The following BLNK variants were observed in gnomAD, a reference collection of about 807,000 sequenced individuals.
BLNK encodes B cell linker.
BLNK carries 29 observed loss-of-function variants against 73.5 expected under a neutral mutation model. That is an observed-to-expected ratio of 0.39 (90% CI 0.29 to 0.54). The LOEUF (loss-of-function observed/expected upper bound fraction) is 0.54. Among genes scored for constraint, BLNK ranks in the 20% least tolerant of loss-of-function variants. The pLI is 0.61. For missense variants in BLNK, 460 were observed against 562.8 expected (o/e 0.82, Z 1.85); for synonymous variants, 176 against 200.8 (o/e 0.88, Z 1.04).
intron 2 of BLNK, among the ~76,000 whole-genome samples, chr10:96,243,863 A>G (rs994196823): frequency 2.6e-5 from 4 of 152,158 alleles, no homozygotes; most frequent in African/African-American, 9.7e-5. Flanking sequence ...TTTAACTAAG[A>G]ATTATTTGCT....
At chr10:96,232,817 CT>C (rs67469119) in intron 3 of BLNK, among the ~76,000 whole-genome samples, 70,206 of 139,164 alleles carry the variant, frequency 0.5, 17,420 homozygotes, top group Admixed American at 0.57. Flanking sequence ...CTTTTCTAGT[CT>C]TTTTTTTTTT....
rs782481221 is a variant in BLNK at position 96,197,031 on chromosome 10, G to C, written c.1128C>G (p.Gly376=). 6.2e-7 allele frequency: 1 copy of C among 1,612,820 alleles called. No homozygotes were observed. The highest frequency in any genetic ancestry group is 8.5e-7 in the Non-Finnish European group (1 of 1,179,388). ...GTGTATATGGTTGTTTGGAATCATG[G>C]CCAGAGCTTTTCCGAATAAGAAATG... The part of the protein sequence containing the change: ...DGSFLIRKSS[G]HDSKQPYTLV... The change falls in exon 16 of 17, where the codon GGC becomes GGG. Residue 376 remains glycine, a synonymous_variant. Coordinates refer to ENST00000224337, the MANE Select transcript of BLNK (RefSeq NM_013314.4).
At chr10:96,194,767 A>AT (rs2083415785) in intron 16 of BLNK, among the ~76,000 whole-genome samples, 1 of 63,364 alleles carries the variant, frequency 1.6e-5, no homozygotes, top group African/African-American at 4.2e-5. Flanking sequence ...GAGAAATGCA[A>AT]ATTTTTTTTT....
intron 8 of BLNK, among the ~76,000 whole-genome samples, chr10:96,212,729 G>A (rs1160355030): frequency 1.3e-5 from 2 of 152,200 alleles, no homozygotes; most frequent in Non-Finnish European, 1.5e-5. Context: ...CACCAACTAG[G>A]CACCTGATGG....
intron 5 of BLNK, among the ~76,000 whole-genome samples, chr10:96,226,417 G>A (rs782747116): frequency 1.3e-5 from 2 of 152,238 alleles, no homozygotes; most frequent in Non-Finnish European, 2.9e-5. Flanking sequence ...GTTAATGGCA[G>A]TGAGATATTA....
chr10:96,189,391 G>T lies in BLNK; in HGVS notation c.*2582C>A. On this transcript the variant is annotated 3_prime_UTR_variant, in exon 17 of 17. Transcript: ENST00000224337. Reference sequence around the variant, plus strand: ...AGACTTCCTCCACTGCCAGGATCTTGAATAGTCTCCTGGTCAGTTGTCCGG... The same window carrying T: ...AGACTTCCTCCACTGCCAGGATCTTTAATAGTCTCCTGGTCAGTTGTCCGG... 2 of 584,186 alleles carry T rather than the reference G, an allele frequency of 3.4e-6. No individual in the cohort carries two copies. The highest frequency in any genetic ancestry group is 2.0e-5 in the Admixed American group (1 of 50,278). The allele number at this position is 584,186 out of a possible 1,614,324, so 36.2% of individuals were successfully genotyped here.
In BLNK at chr10:96,203,838, T is replaced by TA. The variant is rs1217189542; in HGVS notation, c.934+218dup. The TA allele has an allele frequency of 9.0e-5, 37 of 413,120 alleles. No individual in the cohort carries two copies. The Admixed American group carries it at 1.1e-3, about 12-fold the overall frequency. 25.6% of individuals were successfully genotyped at this position (413,120 alleles called of 1,614,324 possible). A position where few individuals can be genotyped will look rare whatever the true frequency, so the allele number is the denominator to read the frequency against. On this transcript the variant is annotated intron_variant, in intron 13 of 16. Coordinates refer to ENST00000224337, the MANE Select transcript of BLNK (RefSeq NM_013314.4). ...GATCAGTAAAATATTAAATCGCTAC[T>TA]AAAAAAAGTAAAAATTGCCTCAAAT...
At position 96,202,336 on chromosome 10, in the gene BLNK, C is replaced by T. The variant is rs115081596; in HGVS notation, c.935-1278G>A. Among the ~76,000 whole-genome samples, 788 of 152,138 alleles carry T rather than the reference C, an allele frequency of 5.2e-3. 4 individuals carry two copies. Among genetic ancestry groups the T allele is most frequent in the African/African-American group, 0.018 (751 of 41,490 alleles). On this transcript the variant is annotated intron_variant, in intron 13 of 16. Transcript: ENST00000224337. ...AACAGCAGAGTGGGGGAGGCCAGTT[C>T]GGTGTTCTTGCAGGAGATGACAGTG... is the stretch of plus-strand genomic sequence containing the variant.
Position 96,209,950 on chromosome 10 carries a change from G to A in BLNK, c.677-43C>T, listed in dbSNP as rs782536678. Reference sequence around the variant, plus strand: ...CTACTCAGTCCCCAAGTCCTGAGCCGGGGGCTGATGCTCACACTGAGGCTG... The same window carrying A: ...CTACTCAGTCCCCAAGTCCTGAGCCAGGGGCTGATGCTCACACTGAGGCTG... On this transcript the variant is annotated intron_variant, in intron 8 of 16. Coordinates refer to ENST00000224337, the MANE Select transcript of BLNK (RefSeq NM_013314.4). The A allele has an allele frequency of 2.1e-5, 33 of 1,601,724 alleles. No individual in the cohort carries two copies. In the South Asian group the frequency reaches 2.2e-4, roughly 11 times the overall value.
At chr10:96,211,538 T>C (rs782249359) in intron 8 of BLNK, among the ~76,000 whole-genome samples, 5 of 152,216 alleles carry the variant, frequency 3.3e-5, no homozygotes, top group South Asian at 4.1e-4. Flanking sequence ...CCCAGGCTTC[T>C]ACTCAGAGCC....
chr10:96,264,622 T>G (rs1377937494), intron 1 of BLNK, among the ~76,000 whole-genome samples: 1 of 152,130 alleles, frequency 6.6e-6, no homozygotes, highest in African/African-American at 2.4e-5. Flanking sequence ...AAATGCTTAA[T>G]AGAGCTGGAA....
intron 2 of BLNK, among the ~76,000 whole-genome samples, chr10:96,244,583 C>T (rs957582915): frequency 3.9e-5 from 6 of 152,138 alleles, no homozygotes; most frequent in Non-Finnish European, 5.9e-5. Flanking sequence ...CGTGTTCAAG[C>T]GTGCTTCCTC....
intron 13 of BLNK, chr10:96,203,564 A>G (rs1177980629): frequency 6.6e-6 from 1 of 152,626 alleles, no homozygotes. Context: ...TCCGATTCAT[A>G]TATTTTTAGG....
intron 1 of BLNK, among the ~76,000 whole-genome samples, chr10:96,264,310 T>G (rs537122391): frequency 9.2e-5 from 14 of 152,228 alleles, no homozygotes; most frequent in Admixed American, 5.9e-4. Context: ...CTCTCTGACC[T>G]CCAATCTGCA....
At chr10:96,262,219 T>C (rs782344558) in intron 1 of BLNK, among the ~76,000 whole-genome samples, 1 of 152,182 alleles carries the variant, frequency 6.6e-6, no homozygotes, top group African/African-American at 2.4e-5. Flanking sequence ...GACAGATGAC[T>C]CAGTGCCTGA....
intron 16 of BLNK, 124 bp from the exon 17 acceptor site, chr10:96,192,216 C>G: frequency 7.5e-7 from 1 of 1,336,572 alleles, no homozygotes; most frequent in Non-Finnish European, 1.0e-6. Flanking sequence ...ACATTCTGCA[C>G]AAAAAAATCT....
chr10:96,248,031 A>G (rs1216355627), intron 1 of BLNK, among the ~76,000 whole-genome samples: 1 of 152,228 alleles, frequency 6.6e-6, no homozygotes. Flanking sequence ...TGTGTTCAAA[A>G]GGCCAAGAAC....
rs940825850 is a variant in BLNK, at chr10:96,253,832, G to A, written c.48-6783C>T. Among the ~76,000 whole-genome samples the A allele has an allele frequency of 6.6e-5, 10 of 151,790 alleles. No homozygotes were observed. The South Asian group carries it at 1.2e-3, about 19-fold the overall frequency. ...AGATCGAGACCATCTTGGCTAACAC[G>A]GTGAAACCCCATCTCTACTAAAAAT... is the stretch of plus-strand genomic sequence containing the variant. On this transcript the variant is annotated intron_variant, in intron 1 of 16. Coordinates refer to ENST00000224337, the MANE Select transcript of BLNK (RefSeq NM_013314.4).
At chr10:96,229,704 G>A (rs912696291) in intron 4 of BLNK, among the ~76,000 whole-genome samples, 25 of 151,614 alleles carry the variant, frequency 1.6e-4, no homozygotes, top group Admixed American at 8.6e-4. Flanking sequence ...GTGCACGCGC[G>A]TGCGCAGCCA....
Sources: allele counts gnomAD v4.1 joint callset (sites outside exome capture counted in the v4.1 genomes callset), GRCh38; gene constraint gnomAD v4.1.1; transcripts MANE v1.5; gene names NCBI Gene and HGNC (gene_info 2026-07-23, HGNC 2026-07-21).